OTC: variants seen among roughly 807,000 people sequenced by gnomAD.
OTC encodes the protein ornithine transcarbamylase, mitochondrial.
A neutral mutation model predicts 30.3 loss-of-function variants in OTC; 3 were observed. The observed-to-expected ratio is 0.10, with a 90% CI of 0.05 to 0.26. OTC has a LOEUF of 0.26. Ranked by LOEUF, OTC falls within the 10% of genes least tolerant of loss-of-function variation. The pLI is 1.00. For synonymous variants in OTC, 111 were observed against 99.7 expected, an observed-to-expected ratio of 1.11 and a Z score of -0.67; for missense variants, 194 against 260.3, an observed-to-expected ratio of 0.75 and a Z score of 1.75.
chrX:38,395,118 G>A (rs1239423459), intron 4 of OTC, among the ~76,000 whole-genome samples: 1 of 110,575 alleles, frequency 9.0e-6, no homozygotes, highest in East Asian at 2.8e-4. Context: ...GACTACAGTC[G>A]CATGCCACCA....
chrX:38,387,088 G>A (rs767746763), intron 4 of OTC, among the ~76,000 whole-genome samples: 58 of 112,077 alleles, frequency 5.2e-4, no homozygotes, highest in Non-Finnish European at 9.2e-4. Context: ...TTAGCCACTC[G>A]TATGCCTTTT....
chrX:38,334,881 C>T, the OTC span, among the ~76,000 whole-genome samples: 2 of 111,406 alleles, frequency 1.8e-5, no homozygotes, highest in Middle Eastern at 9.2e-3. Flanking sequence ...TGAGCTTCAC[C>T]TCCTGTCAGA....
chrX:38,339,530 T>G, the OTC span, among the ~76,000 whole-genome samples: 13 of 28,216 alleles, frequency 4.6e-4, no homozygotes, highest in African/African-American at 2.7e-3. Context: ...ACCCAATAGT[T>G]TTTTTTTTTT....
chrX:38,381,282 T>C (rs1370871077), intron 3 of OTC, 60 bp from the exon 4 acceptor site: 2 of 863,227 alleles, frequency 2.3e-6, no homozygotes, highest in Non-Finnish European at 3.4e-6. Context: ...TTCTTTGTAA[T>C]TTTGTTTTCC....
intron 1 of OTC, among the ~76,000 whole-genome samples, chrX:38,353,822 G>A (rs1254717188): frequency 8.9e-6 from 1 of 111,764 alleles, no homozygotes; most frequent in Non-Finnish European, 1.9e-5. Context: ...TTTATTTTGG[G>A]AGGAAATGTG....
In OTC at chrX:38,377,856, T is replaced by A. The variant is rs184035905; in HGVS notation, c.299-3486T>A. ...TCTCTCTCTCTCTCTTTCTTTTTTT[T>A]AGACGAAGTCTCACTCTCTCGCCCT... On this transcript the variant is annotated intron_variant, in intron 3 of 9. Transcript: ENST00000039007. Among the ~76,000 whole-genome samples the A allele has an allele frequency of 6.3e-3, 701 of 111,324 alleles. 5 individuals are homozygous for A. Among genetic ancestry groups the A allele is most frequent in the African/African-American group, 0.02 (601 of 30,626 alleles).
the OTC span, among the ~76,000 whole-genome samples, chrX:38,333,622 A>G: frequency 8.9e-6 from 1 of 111,857 alleles, no homozygotes; most frequent in Non-Finnish European, 1.9e-5. Flanking sequence ...GTTGTTATTC[A>G]TTTCTGGAGC....
At chrX:38,340,473 G>GTTTTTTTTTTTTT in the OTC span, among the ~76,000 whole-genome samples, 5 of 56,120 alleles carry the variant, frequency 8.9e-5, no homozygotes, top group African/African-American at 2.7e-4. Flanking sequence ...TTTTTTTTTT[G>GTTTTTTTTTTTTT]TTTTTTTTTT....
At chrX:38,415,999 T>A (rs902292600) in intron 9 of OTC, among the ~76,000 whole-genome samples, 8 of 112,175 alleles carry the variant, frequency 7.1e-5, no homozygotes, top group African/African-American at 2.6e-4. Context: ...AACACTTCCA[T>A]CACTGCCGAG....
chrX:38,335,706 T>A, the OTC span, among the ~76,000 whole-genome samples: 1 of 112,816 alleles, frequency 8.9e-6, no homozygotes, highest in African/African-American at 3.2e-5. Flanking sequence ...TCAGCAATTG[T>A]ATATCTGTGA....
At chrX:38,333,380 C>T in the OTC span, among the ~76,000 whole-genome samples, 2 of 111,068 alleles carry the variant, frequency 1.8e-5, no homozygotes, top group African/African-American at 6.6e-5. Context: ...GAGTAGTAAA[C>T]AGCTCTGCCA....
In OTC at chrX:38,401,327, G is replaced by C; in HGVS notation, c.439G>C (p.Asp147His). Residue 147 changes from aspartate to histidine, a missense_variant, in exon 5 of 10, where the codon GAT becomes CAT. Physicochemically the swap from Asp to His is moderately conservative, Grantham distance 81. Transcript: ENST00000039007. ...ATTGGCTCGAGTGTATAAACAATCAGATTTGGACACCCTGGCTAAAGAAGC... is the reference window on the plus strand; with the variant it reads ...ATTGGCTCGAGTGTATAAACAATCACATTTGGACACCCTGGCTAAAGAAGC... ...AVLARVYKQS[D>H]LDTLAKEASI... 1 of 1,199,045 alleles carries C rather than the reference G, an allele frequency of 8.3e-7. No homozygotes were observed. The highest frequency in any genetic ancestry group is 1.1e-6 in the Non-Finnish European group (1 of 884,082).
At position 38,369,531 on chromosome X, in the gene OTC, T is replaced by G. The variant is rs937364231; in HGVS notation, c.217-265T>G. ...CCAGGCTAATTTTTTTTTTTTTTTT[T>G]GGTATTTTGAGTAGAGATGGGGTTT... On this transcript the variant is annotated intron_variant, in intron 2 of 9. Transcript: ENST00000039007. Among the ~76,000 whole-genome samples, 7 of 99,820 alleles carry G rather than the reference T, an allele frequency of 7.0e-5. No homozygotes were observed. The East Asian group carries it at 1.8e-3, about 25-fold the overall frequency. The allele number at this position is 99,820 out of a possible 115,157, so 86.7% of individuals were successfully genotyped here. A position where few individuals can be genotyped will look rare whatever the true frequency, so the allele number is the denominator to read the frequency against.
chrX:38,375,668 C>T (rs181296718), intron 3 of OTC, among the ~76,000 whole-genome samples: 12 of 111,211 alleles, frequency 1.1e-4, no homozygotes, highest in Admixed American at 1.9e-4. Context: ...GTTGGGAATT[C>T]GGTCTTAGAT....
At chrX:38,396,142 A>G (rs1462475581) in intron 4 of OTC, among the ~76,000 whole-genome samples, 1 of 96,321 alleles carries the variant, frequency 1.0e-5, no homozygotes, top group Admixed American at 1.1e-4. Flanking sequence ...TTGTATTTTT[A>G]GTAGAAATGG....
At chrX:38,383,708 G>T (rs1435097668) in intron 4 of OTC, among the ~76,000 whole-genome samples, 1 of 110,516 alleles carries the variant, frequency 9.0e-6, no homozygotes, top group Non-Finnish European at 1.9e-5. Context: ...TGAGGCAGGA[G>T]AGTTGCTTAA....
At chrX:38,374,772 A>G (rs1441097206) in intron 3 of OTC, among the ~76,000 whole-genome samples, 1 of 111,939 alleles carries the variant, frequency 8.9e-6, no homozygotes, top group Non-Finnish European at 1.9e-5. Flanking sequence ...ATAGTCCTCA[A>G]CCCTCAATGG....
intron 3 of OTC, among the ~76,000 whole-genome samples, chrX:38,376,902 G>T (rs1460003672): frequency 8.9e-6 from 1 of 111,909 alleles, no homozygotes; most frequent in Non-Finnish European, 1.9e-5. Context: ...GGACTTCAAC[G>T]CTCCACCTTC....
At chrX:38,398,128 TAA>T (rs1428552374) in intron 4 of OTC, among the ~76,000 whole-genome samples, 10 of 111,808 alleles carry the variant, frequency 8.9e-5, no homozygotes, top group Non-Finnish European at 1.7e-4. Context: ...GGGGACTTGC[TAA>T]AGAGAGAAAA....
Sources: allele counts gnomAD v4.1 joint callset (sites outside exome capture counted in the v4.1 genomes callset), GRCh38; gene constraint gnomAD v4.1.1; transcripts MANE v1.5; gene names NCBI Gene and HGNC (gene_info 2026-07-23, HGNC 2026-07-21).